IGSF21: variants seen among roughly 807,000 people sequenced by gnomAD.
IGSF21 encodes immunoglobin superfamily member 21.
In IGSF21, 28 loss-of-function variants were observed where a neutral mutation model predicts 46.8. The ratio of observed to expected loss-of-function variants is 0.60; its 90% CI spans 0.44 to 0.82. The LOEUF (loss-of-function observed/expected upper bound fraction) is 0.82, where lower values mean the gene tolerates loss of function less well. Ranked by LOEUF, IGSF21 falls within the 40% of genes least tolerant of loss-of-function variation. The pLI, the probability that IGSF21 is intolerant of heterozygous loss-of-function variation, is 0.00. For missense variants in IGSF21, 624 were observed against 665.5 expected (o/e 0.94, Z 0.69); for synonymous variants, 284 against 273.6 (o/e 1.04, Z -0.38).
At position 18,113,444 on chromosome 1, in the gene IGSF21, G is replaced by A. The variant is rs999922882; in HGVS notation, c.70+5246G>A. ...CAGCCCAAAAGAGCAGGAGAGACAGGTCGTGGGCAGGGTGTGGCTTGGGGG... is the reference window on the plus strand; with the variant it reads ...CAGCCCAAAAGAGCAGGAGAGACAGATCGTGGGCAGGGTGTGGCTTGGGGG... On this transcript the variant is annotated intron_variant, in intron 1 of 9. Transcript: ENST00000251296. 12 of 152,338 alleles carry A rather than the reference G, an allele frequency of 7.9e-5. No homozygotes were observed. In the East Asian group the frequency reaches 1.9e-3, roughly 25 times the overall value. 9.4% of individuals were successfully genotyped at this position (152,338 alleles called of 1,614,324 possible). A position where few individuals can be genotyped will look rare whatever the true frequency, so the allele number is the denominator to read the frequency against.
chr1:18,128,220 T>C (rs56083947), intron 1 of IGSF21, among the ~76,000 whole-genome samples: 204 of 152,186 alleles, frequency 1.3e-3, no homozygotes, highest in African/African-American at 4.0e-3. Context: ...AGAATAAACA[T>C]ATGGATAAAT....
At chr1:18,245,754 C>G (rs531566422) in intron 2 of IGSF21, among the ~76,000 whole-genome samples, 1 of 152,284 alleles carries the variant, frequency 6.6e-6, no homozygotes, top group African/African-American at 2.4e-5. Context: ...GTTGCTGCTG[C>G]TTGGCAGGGT....
intron 1 of IGSF21, among the ~76,000 whole-genome samples, chr1:18,117,542 C>T (rs1281349235): frequency 1.3e-5 from 2 of 152,212 alleles, no homozygotes; most frequent in Non-Finnish European, 2.9e-5. Flanking sequence ...ATGGTGGCCT[C>T]GTCTGGTGGG....
intron 4 of IGSF21, among the ~76,000 whole-genome samples, chr1:18,349,679 C>T (rs1006607002): frequency 1.3e-5 from 2 of 152,176 alleles, no homozygotes; most frequent in African/African-American, 2.4e-5. Context: ...CATCACTTGG[C>T]AGGTGCCAGG....
intron 3 of IGSF21, among the ~76,000 whole-genome samples, chr1:18,310,463 C>T (rs774409103): frequency 1.3e-5 from 2 of 152,218 alleles, no homozygotes; most frequent in Non-Finnish European, 2.9e-5. Context: ...TACTCCACTG[C>T]GTGGACCTTA....
intron 1 of IGSF21, among the ~76,000 whole-genome samples, chr1:18,158,345 A>C (rs2086586114): frequency 6.6e-6 from 1 of 152,232 alleles, no homozygotes; most frequent in Non-Finnish European, 1.5e-5. Context: ...CTTCCCATTT[A>C]TGCAAATCAG....
chr1:18,228,982 C>T (rs142697312), intron 2 of IGSF21, among the ~76,000 whole-genome samples: 31 of 152,234 alleles, frequency 2.0e-4, no homozygotes, highest in African/African-American at 7.2e-4. Flanking sequence ...GTACAAGGTT[C>T]ATGTGTCATA....
chr1:18,121,765 C>A (rs1200549124), intron 1 of IGSF21, among the ~76,000 whole-genome samples: 1 of 151,960 alleles, frequency 6.6e-6, no homozygotes, highest in Non-Finnish European at 1.5e-5. Flanking sequence ...GACAAATATG[C>A]CTTAGGGGGA....
intron 1 of IGSF21, among the ~76,000 whole-genome samples, chr1:18,185,372 C>T (rs994929408): frequency 2.0e-5 from 3 of 152,228 alleles, no homozygotes; most frequent in African/African-American, 7.2e-5. Context: ...GACTGATCTT[C>T]AAGTGGTTTC....
chr1:18,339,552 C>T (rs941584141), intron 4 of IGSF21, among the ~76,000 whole-genome samples: 7 of 152,054 alleles, frequency 4.6e-5, no homozygotes, highest in East Asian at 3.9e-4. Flanking sequence ...GGCAACCTGG[C>T]GAAATCCCGT....
chr1:18,211,180 A>G (rs1383997766), intron 1 of IGSF21, among the ~76,000 whole-genome samples: 2 of 152,144 alleles, frequency 1.3e-5, no homozygotes, highest in Admixed American at 1.3e-4. Context: ...CCTTCCCTGG[A>G]CCATTTCTAA....
Position 18,337,937 on chromosome 1 carries a change from C to T in IGSF21, c.424+2927C>T, listed in dbSNP as rs1243295090. Among the ~76,000 whole-genome samples the T allele has an allele frequency of 1.3e-5, 2 of 152,094 alleles. No homozygotes were observed. Among genetic ancestry groups the T allele is most frequent in the Admixed American group, 6.5e-5 (1 of 15,272 alleles). The stretch of plus-strand genomic sequence containing the variant: ...GGGGGTTATCTCTGTGCCAGAGGAG[C>T]GTGGCTTCTGTAGCTCACCAAGGTC... On this transcript the variant is annotated intron_variant, in intron 4 of 9. Transcript: ENST00000251296. This position sits in a 1 kb window ranked among gnomAD's most constrained non-coding sequence, Gnocchi z 5.7.
chr1:18,359,370 G>GAA (rs772531134), intron 4 of IGSF21, among the ~76,000 whole-genome samples: 1 of 103,216 alleles, frequency 9.7e-6, no homozygotes, highest in Non-Finnish European at 2.0e-5. Flanking sequence ...AAGAAAGAAA[G>GAA]AAAGAAAGAA....
chr1:18,164,926 T>C (rs1263053329), intron 1 of IGSF21, among the ~76,000 whole-genome samples: 1 of 121,858 alleles, frequency 8.2e-6, no homozygotes, highest in African/African-American at 3.2e-5. Context: ...GATGTTCCCC[T>C]TCCTGTGTCC....
At chr1:18,329,683 G>A (rs529211866) in intron 3 of IGSF21, among the ~76,000 whole-genome samples, 6 of 152,172 alleles carry the variant, frequency 3.9e-5, no homozygotes, top group Non-Finnish European at 7.3e-5. Flanking sequence ...GCATCTGAAT[G>A]TAGAGCCTAT....
chr1:18,137,640 G>A (rs572996003), intron 1 of IGSF21, among the ~76,000 whole-genome samples: 165 of 152,234 alleles, frequency 1.1e-3, no homozygotes, highest in African/African-American at 3.8e-3. Context: ...CCACTTTGGG[G>A]GGATGGAGAC....
chr1:18,307,409 A>T (rs2124581705), intron 3 of IGSF21, among the ~76,000 whole-genome samples: 1 of 152,366 alleles, frequency 6.6e-6, no homozygotes, highest in Middle Eastern at 3.4e-3. Context: ...CTCTGCTCTA[A>T]GAACTTTACA....
chr1:18,275,465 G>A (rs574009665), intron 2 of IGSF21, among the ~76,000 whole-genome samples: 14 of 152,250 alleles, frequency 9.2e-5, no homozygotes, highest in South Asian at 6.2e-4. Flanking sequence ...CTCTCCCACC[G>A]GGAGTGTCTT....
At chr1:18,201,733 T>C (rs1340058795) in intron 1 of IGSF21, among the ~76,000 whole-genome samples, 1 of 152,156 alleles carries the variant, frequency 6.6e-6, no homozygotes, top group Non-Finnish European at 1.5e-5. Flanking sequence ...GTCTGTCCGT[T>C]ACTGGCATCC....
Sources: allele counts gnomAD v4.1 joint callset (sites outside exome capture counted in the v4.1 genomes callset), GRCh38; gene constraint gnomAD v4.1.1; non-coding constraint Gnocchi (gnomAD v3.1); transcripts MANE v1.5; gene names NCBI Gene and HGNC (gene_info 2026-07-23, HGNC 2026-07-21).